The following MCF2L variants were observed in gnomAD, a reference collection of about 807,000 sequenced individuals.
MCF2L encodes the protein guanine nucleotide exchange factor DBS.
In MCF2L, 97 loss-of-function variants were observed where a neutral mutation model predicts 153.4. The ratio of observed to expected loss-of-function variants is 0.63; its 90% CI spans 0.54 to 0.75. MCF2L has a LOEUF of 0.75. Ranked by LOEUF, MCF2L falls within the 30% of genes least tolerant of loss-of-function variation. The pLI is 0.00. For missense variants in MCF2L, 1,347 were observed against 1,495.2 expected (o/e 0.90, Z 1.64); for synonymous variants, 659 against 632.2 (o/e 1.04, Z -0.64).
intron 27 of MCF2L, 77 bp downstream of exon 27, chr13:113,094,712 C>G (rs1258854540): frequency 6.6e-7 from 1 of 1,526,524 alleles, no homozygotes; most frequent in African/African-American, 1.4e-5. Context: ...GCAGGTCCAC[C>G]CAGGCTTGGG....
intron 2 of MCF2L, among the ~76,000 whole-genome samples, chr13:113,021,152 G>A (rs9577425): frequency 0.18 from 27,484 of 152,152 alleles, 2,653 homozygotes; most frequent in East Asian, 0.29. Context: ...ATACATGTGT[G>A]TGTAGGTGTG....
rs1049386080 is a variant in MCF2L at position 113,055,376 on chromosome 13, C to CCG, written c.370-5216_370-5215insGC. Among the ~76,000 whole-genome samples the CCG allele has an allele frequency of 8.3e-5, 5 of 60,390 alleles. 2 individuals carry two copies. The highest frequency in any genetic ancestry group is 3.2e-4 in the African/African-American group (5 of 15,686). 39.6% of individuals were successfully genotyped at this position (60,390 alleles called of 152,430 possible). ...CACCTGCTGGAGACGTGGACCCCCC[C>CCG]CCCCGCCACACACACACACACACAC... On this transcript the variant is annotated intron_variant, in intron 4 of 29. Coordinates refer to ENST00000535094, the MANE Select transcript of MCF2L (RefSeq NM_001112732.3).
rs2081186856 is a variant in MCF2L, at chr13:112,907,701, T to C, written c.169+5330T>C. On this transcript the variant is annotated intron_variant, in intron 2 of 29. Coordinates refer to the MCF2L transcript ENST00000375608. The surrounding 1 kb of genome is among the most constrained non-coding windows in gnomAD (Gnocchi z 5.1). Reference sequence around the variant, plus strand: ...GGTAGACTCTGGACTTGAAACTTCCTGGTTCTTCATGCAGTTCTCAAAGCT... The same window carrying C: ...GGTAGACTCTGGACTTGAAACTTCCCGGTTCTTCATGCAGTTCTCAAAGCT... Among the ~76,000 whole-genome samples, 1 of 152,248 alleles carries C rather than the reference T, an allele frequency of 6.6e-6. No homozygotes were observed. The highest frequency in any genetic ancestry group is 2.4e-5 in the African/African-American group (1 of 41,458).
chr13:112,973,918 C>G (rs1348225757), intron 1 of MCF2L, among the ~76,000 whole-genome samples: 1 of 152,118 alleles, frequency 6.6e-6, no homozygotes, highest in East Asian at 1.9e-4. Context: ...AGTCACTGGC[C>G]CCTTTTCACG....
intron 4 of MCF2L, among the ~76,000 whole-genome samples, chr13:113,052,349 G>A (rs1276310149): frequency 6.6e-6 from 1 of 152,212 alleles, no homozygotes; most frequent in Non-Finnish European, 1.5e-5. Flanking sequence ...CGTGTGGGCC[G>A]TGGACCCTGC....
intron 1 of MCF2L, among the ~76,000 whole-genome samples, chr13:112,899,942 G>A (rs962161989): frequency 3.3e-5 from 5 of 152,192 alleles, no homozygotes; most frequent in African/African-American, 9.6e-5. Context: ...GAGAAACAGC[G>A]GAACAGCCCC....
rs568500870 is a variant in MCF2L, at chr13:113,061,351, G to A, written c.489+639G>A. On this transcript the variant is annotated intron_variant, in intron 5 of 29. Transcript: ENST00000535094. ...AAGTCCCTTAGAGCCTGTGGAGCCC[G>A]GTCACCAGCCCGAGCTGTGTAGCTC... 2.7e-4 allele frequency among the ~76,000 whole-genome samples: 41 copies of A among 152,238 alleles called. No homozygotes were observed. The South Asian group carries it at 7.7e-3, about 28-fold the overall frequency.
rs144351365 is a variant in MCF2L, at chr13:113,064,345, C to G, written c.531C>G (p.Ile177Met). 6.2e-7 allele frequency: 1 copy of G among 1,613,006 alleles called. No individual in the cohort carries two copies. Among genetic ancestry groups the G allele is most frequent in the South Asian group, 1.1e-5 (1 of 91,088 alleles). The change falls in exon 6 of 30, where the codon ATC becomes ATG. Residue 177 changes from isoleucine (I) to methionine (M), a missense_variant. Ile to Met is a conservative substitution (Grantham distance 10). Around this residue, in one of 3 missense-constraint regions of MCF2L, gnomAD observed 820 missense variants for 921.2 expected, o/e 0.89. Coordinates refer to ENST00000535094, the MANE Select transcript of MCF2L (RefSeq NM_001112732.3). This position sits in a 1 kb window ranked among gnomAD's most constrained non-coding sequence, Gnocchi z 6.0. ...CCGTACCAGACTTACACGGTTACAT[C>G]GATAAGTCGCAGCTGACCGAGGACC... ...LSSVPDLHGYIDKSQLTEDLG... is the reference protein window; with the variant it reads ...LSSVPDLHGYMDKSQLTEDLG...
At chr13:112,934,494 T>A (rs572208122) in intron 2 of MCF2L, among the ~76,000 whole-genome samples, 1 of 137,692 alleles carries the variant, frequency 7.3e-6, no homozygotes, top group South Asian at 2.3e-4. Flanking sequence ...GGGCCCCACA[T>A]CCAGAGTCTC....
At chr13:112,947,583 A>G (rs993594161) in intron 2 of MCF2L, among the ~76,000 whole-genome samples, 1 of 152,260 alleles carries the variant, frequency 6.6e-6, no homozygotes, top group African/African-American at 2.4e-5. Context: ...AAGTAAGTCC[A>G]AAACTCAACA....
At chr13:112,895,442 G>C (rs150800357) in intron 1 of MCF2L, among the ~76,000 whole-genome samples, 1 of 152,242 alleles carries the variant, frequency 6.6e-6, no homozygotes, top group Non-Finnish European at 1.5e-5. Context: ...CAGAGTGTCG[G>C]TGTGGTCCCC....
chr13:112,978,125 G>A (rs1047513673), intron 1 of MCF2L, among the ~76,000 whole-genome samples: 2 of 152,158 alleles, frequency 1.3e-5, no homozygotes, highest in Non-Finnish European at 2.9e-5. Flanking sequence ...GAAACACCAC[G>A]CGAAATGCGC....
intron 4 of MCF2L, among the ~76,000 whole-genome samples, chr13:113,050,279 T>TGAGTGTGA (rs768667848): frequency 2.9e-4 from 44 of 150,752 alleles, no homozygotes; most frequent in Non-Finnish European, 6.1e-4. Flanking sequence ...TGTGAGACTG[T>TGAGTGTGA]GAGTGTGAGA....
chr13:113,060,467 G>A (rs1566822252), intron 4 of MCF2L, 126 bp from the exon 5 acceptor site: 1 of 1,061,436 alleles, frequency 9.4e-7, no homozygotes, highest in South Asian at 1.5e-5. Flanking sequence ...GCATAAACCT[G>A]CTGCGTTGAG....
At chr13:113,066,016 C>T (rs774909758) in intron 7 of MCF2L, 30 bp from the exon 8 acceptor site, 4 of 1,606,830 alleles carry the variant, frequency 2.5e-6, no homozygotes, top group Non-Finnish European at 3.4e-6. Context: ...CTGGACGGGG[C>T]CGGGACATGA....
At position 113,085,101 on chromosome 13, in the gene MCF2L, C is replaced by G; in HGVS notation, c.2170C>G (p.Leu724Val). The change falls in exon 20 of 30, where the codon CTG becomes GTG. Residue 724 changes from leucine to valine, a missense_variant. By Grantham distance (32) the Leu-to-Val change is conservative. Transcript: ENST00000535094. ...CPFFQECQRK[L>V]DHKLSLDSYL... ...TTGGTTCCAGGAATGCCAGAGAAAG[C>G]TGGACCACAAGCTGAGCCTGGACTC... The G allele has an allele frequency of 6.2e-7, 1 of 1,613,726 alleles. No individual in the cohort carries two copies. Among genetic ancestry groups the G allele is most frequent in the Non-Finnish European group, 8.5e-7 (1 of 1,180,018 alleles).
At chr13:112,968,556 C>T (rs558494059), upstream of MCF2L, 12 of 1,547,840 alleles carry the variant, frequency 7.8e-6, no homozygotes, top group South Asian at 1.4e-4. Flanking sequence ...CGGGGAGGGG[C>T]TGGTCCATCC....
chr13:112,907,403 G>T lies in MCF2L; in HGVS notation c.169+5032G>T, dbSNP rs575566326. Reference sequence around the variant, plus strand: ...TGGCATGGGTCATAGTCGTGGCTTGGTGGAGAATCCTCGGTGTTTGTGGCA... The same window carrying T: ...TGGCATGGGTCATAGTCGTGGCTTGTTGGAGAATCCTCGGTGTTTGTGGCA... On this transcript the variant is annotated intron_variant, in intron 2 of 29. Coordinates refer to the MCF2L transcript ENST00000375608. The surrounding 1 kb of genome is among the most constrained non-coding windows in gnomAD (Gnocchi z 5.1). Among the ~76,000 whole-genome samples the T allele has an allele frequency of 6.6e-6, 1 of 152,300 alleles. No homozygotes were observed. Among genetic ancestry groups the T allele is most frequent in the South Asian group, 2.1e-4 (1 of 4,822 alleles).
At chr13:113,040,412 C>CTGTGTGTGTGTG (rs6145252) in intron 3 of MCF2L, 1,450 of 140,218 alleles carry the variant, frequency 0.01, 13 homozygotes, top group African/African-American at 0.013. Context: ...GAGGGCCTTC[C>CTGTGTGTGTGTG]TGTGTGTGTG....
Sources: gnomAD v4.1 joint callset for allele counts (sites outside exome capture counted in the v4.1 genomes callset) on GRCh38, gnomAD v4.1.1 for gene constraint, gnomAD v4.1.1 regional missense constraint, Gnocchi (gnomAD v3.1) non-coding constraint, MANE v1.5 for transcripts, NCBI Gene and HGNC (gene_info 2026-07-23, HGNC 2026-07-21) for gene names.